FAM114A1: variants seen among roughly 807,000 people sequenced by gnomAD.
The protein encoded by FAM114A1 is family with sequence similarity 114 member A1, also known as protein NOXP20.
Under a neutral mutation model 64.3 loss-of-function variants are expected in FAM114A1, and 62 were observed. That is an observed-to-expected ratio of 0.96 (90% confidence interval 0.79 to 1.19). The LOEUF (loss-of-function observed/expected upper bound fraction) is 1.19, where lower values mean the gene tolerates loss of function less well. FAM114A1 is among the 50% of genes most tolerant of loss of function. The probability of loss-of-function intolerance (pLI) is 0.00; values close to 1 mark genes in which losing one functional copy is unlikely to be tolerated. For synonymous variants in FAM114A1, 254 were observed against 251.1 expected, an observed-to-expected ratio of 1.01 and a Z score of -0.11; for missense variants, 645 against 676.3, an observed-to-expected ratio of 0.95 and a Z score of 0.51.
intron 10 of FAM114A1, among the ~76,000 whole-genome samples, chr4:38,930,404 G>A (rs1720533539): frequency 6.6e-6 from 1 of 152,040 alleles, no homozygotes; most frequent in South Asian, 2.1e-4. Context: ...ATCTCTGATG[G>A]GGGTCACTGA....
chr4:38,892,744 T>C (rs754147725), intron 4 of FAM114A1, among the ~76,000 whole-genome samples: 1 of 152,234 alleles, frequency 6.6e-6, no homozygotes, highest in Non-Finnish European at 1.5e-5. Flanking sequence ...TCCATGGCCA[T>C]GAGGACCTTG....
chr4:38,888,836 T>C (rs1716063276), intron 3 of FAM114A1, among the ~76,000 whole-genome samples: 3 of 152,256 alleles, frequency 2.0e-5, no homozygotes. Context: ...AGCTCCATGC[T>C]GCCTGTTGTA....
At chr4:38,919,541 T>A (rs1015479271) in intron 8 of FAM114A1, among the ~76,000 whole-genome samples, 2 of 152,212 alleles carry the variant, frequency 1.3e-5, no homozygotes, top group African/African-American at 4.8e-5. Flanking sequence ...TTTGGTGACC[T>A]GGAGAGTATT....
chr4:38,891,744 CT>C lies in FAM114A1; in HGVS notation c.351del (p.Val118TrpfsTer28), dbSNP rs1396108739. 6.2e-7 allele frequency: 1 copy of C among 1,604,786 alleles called. No individual in the cohort carries two copies. The highest frequency in any genetic ancestry group is 1.7e-5 in the Admixed American group (1 of 57,930). On this transcript the variant is annotated frameshift_variant and splice_region_variant, in exon 4 of 15. Transcript: ENST00000358869. LOFTEE classifies it high-confidence loss of function. ...EIPLQEQNYL[A>X]VDSPPSGGGW... ...TGTGGCTAATTTGTTTTTCTCCAGG[CT>C]GTGGATTCCCCTCCAAGTGGAGGAG...
chr4:38,932,189 G>C, intron 11 of FAM114A1, 46 bp from the exon 12 acceptor site: 1 of 1,549,750 alleles, frequency 6.5e-7, no homozygotes, highest in Non-Finnish European at 8.7e-7. Flanking sequence ...TTTTAAAAAA[G>C]CATCTGCTCA....
At chr4:38,914,215 A>G (rs914848009) in intron 7 of FAM114A1, among the ~76,000 whole-genome samples, 1 of 152,094 alleles carries the variant, frequency 6.6e-6, no homozygotes, top group Non-Finnish European at 1.5e-5. Flanking sequence ...TAAGAGATTC[A>G]ACTTTTCAAG....
At chr4:38,891,229 G>C (rs1716344986) in intron 3 of FAM114A1, among the ~76,000 whole-genome samples, 1 of 152,146 alleles carries the variant, frequency 6.6e-6, no homozygotes, top group African/African-American at 2.4e-5. Context: ...AAGCCTTCCT[G>C]TCACTACTGC....
chr4:38,943,191 C>CAAAAAAAA (rs1255932256), intron 14 of FAM114A1, among the ~76,000 whole-genome samples: 13 of 88,874 alleles, frequency 1.5e-4, no homozygotes, highest in Admixed American at 7.6e-4. Flanking sequence ...GACTCTGTCT[C>CAAAAAAAA]AAAAAAAAAA....
chr4:38,876,169 CTTTTTTT>C (rs1163508013), intron 2 of FAM114A1, among the ~76,000 whole-genome samples: 10 of 69,092 alleles, frequency 1.4e-4, no homozygotes, highest in South Asian at 3.9e-4. Context: ...ATTCTTTTTT[CTTTTTTT>C]TTTTTTTTTT....
At chr4:38,876,636 C>T (rs1237438114) in intron 2 of FAM114A1, among the ~76,000 whole-genome samples, 1 of 152,238 alleles carries the variant, frequency 6.6e-6, no homozygotes, top group Non-Finnish European at 1.5e-5. Flanking sequence ...TGTTAGCTTC[C>T]TATCAGTGCT....
At chr4:38,888,849 A>G (rs749893) in intron 3 of FAM114A1, among the ~76,000 whole-genome samples, 2,060 of 152,348 alleles carry the variant, frequency 0.014, 24 homozygotes, top group Non-Finnish European at 0.024. Flanking sequence ...CTGTTGTAGC[A>G]TCTCCTAATT....
At chr4:38,917,959 G>A (rs867496914) in intron 8 of FAM114A1, among the ~76,000 whole-genome samples, 2 of 152,028 alleles carry the variant, frequency 1.3e-5, no homozygotes, top group Non-Finnish European at 1.5e-5. Context: ...ACTCACGCCT[G>A]TAATCCCAAC....
chr4:38,938,140 T>G (rs938691698), intron 13 of FAM114A1, among the ~76,000 whole-genome samples: 6 of 152,174 alleles, frequency 3.9e-5, no homozygotes, highest in African/African-American at 1.4e-4. Flanking sequence ...GTAAAAAGGT[T>G]TGAATAGCTC....
At chr4:38,894,759 T>A (rs550832724) in intron 4 of FAM114A1, among the ~76,000 whole-genome samples, 1 of 152,328 alleles carries the variant, frequency 6.6e-6, no homozygotes, top group Non-Finnish European at 1.5e-5. Context: ...AATATCAGAA[T>A]GAAGTTCAGT....
chr4:38,926,469 T>TTTC, intron 9 of FAM114A1, among the ~76,000 whole-genome samples: 1 of 151,700 alleles, frequency 6.6e-6, no homozygotes, highest in South Asian at 2.1e-4. Flanking sequence ...TTTTTTTTTT[T>TTTC]TTCCAGATAG....
At chr4:38,930,942 G>T (rs934541871) in intron 10 of FAM114A1, among the ~76,000 whole-genome samples, 1 of 152,108 alleles carries the variant, frequency 6.6e-6, no homozygotes, top group African/African-American at 2.4e-5. Context: ...GACCTGTCAT[G>T]AATCAAGAAA....
chr4:38,883,861 G>A (rs534193921), intron 3 of FAM114A1, among the ~76,000 whole-genome samples: 15 of 152,298 alleles, frequency 9.8e-5, no homozygotes, highest in African/African-American at 3.6e-4. Flanking sequence ...TTTTGGCTTG[G>A]ACAACCAGGT....
chr4:38,940,383 A>AAAG (rs1491227710), intron 13 of FAM114A1, among the ~76,000 whole-genome samples: 2 of 20,830 alleles, frequency 9.6e-5, no homozygotes, highest in South Asian at 2.3e-3. Context: ...AGAAAGAAAG[A>AAAG]AAAAAAAAGG....
At chr4:38,881,564 A>G (rs1715278876) in intron 3 of FAM114A1, among the ~76,000 whole-genome samples, 1 of 152,316 alleles carries the variant, frequency 6.6e-6, no homozygotes, top group South Asian at 2.1e-4. Context: ...GAAAGCCGAT[A>G]GGTTGGCTGA....
Sources: gnomAD v4.1 joint callset for allele counts (sites outside exome capture counted in the v4.1 genomes callset) on GRCh38, gnomAD v4.1.1 for gene constraint, MANE v1.5 for transcripts, NCBI Gene and HGNC (gene_info 2026-07-23, HGNC 2026-07-21) for gene names.